GULP1: variants seen among roughly 807,000 people sequenced by gnomAD.
GULP1 encodes the protein GULP PTB domain containing engulfment adaptor 1, also known as PTB domain-containing engulfment adapter protein 1.
A neutral mutation model predicts 40.9 loss-of-function variants in GULP1; 19 were observed. That is an observed-to-expected ratio of 0.46 (90% CI 0.32 to 0.68). The LOEUF is 0.68. Ranked by LOEUF, GULP1 falls within the 30% of genes least tolerant of loss-of-function variation. The pLI is 0.03. For synonymous variants in GULP1, 119 were observed against 117.6 expected (o/e 1.01, Z -0.08); for missense variants, 312 against 362.2 (o/e 0.86, Z 1.12).
At chr2:188,331,472 GA>G (rs1325074371) in intron 1 of GULP1, among the ~76,000 whole-genome samples, 1 of 152,144 alleles carries the variant, frequency 6.6e-6, no homozygotes, top group Non-Finnish European at 1.5e-5. Flanking sequence ...CTATACATAA[GA>G]ATCACTTAGA....
At chr2:188,409,051 G>A (rs1056252717) in intron 2 of GULP1, among the ~76,000 whole-genome samples, 3 of 151,944 alleles carry the variant, frequency 2.0e-5, no homozygotes, top group Admixed American at 6.6e-5. Flanking sequence ...AGAAAAAGAA[G>A]CAACCTAAAA....
chr2:188,386,545 T>C (rs1447558591), intron 2 of GULP1, among the ~76,000 whole-genome samples: 1 of 152,128 alleles, frequency 6.6e-6, no homozygotes, highest in Non-Finnish European at 1.5e-5. Context: ...TCTGTTAATA[T>C]ATAATATGTT....
intron 1 of GULP1, among the ~76,000 whole-genome samples, chr2:188,315,769 AGG>A (rs1392190942): frequency 2.0e-5 from 3 of 152,096 alleles, no homozygotes; most frequent in Non-Finnish European, 2.9e-5. Flanking sequence ...GGCACAGTAA[AGG>A]ATTAACAATA....
intron 2 of GULP1, among the ~76,000 whole-genome samples, chr2:188,449,110 C>G (rs557080852): frequency 2.8e-4 from 42 of 152,160 alleles, no homozygotes; most frequent in Non-Finnish European, 4.7e-4. Context: ...ATGTTCAGAT[C>G]TTGGCACAGA....
At chr2:188,419,349 C>A (rs183606029) in intron 2 of GULP1, among the ~76,000 whole-genome samples, 84 of 152,210 alleles carry the variant, frequency 5.5e-4, no homozygotes, top group Middle Eastern at 3.4e-3. Flanking sequence ...TTTCTCCATA[C>A]CCTGGTCAAT....
chr2:188,547,255 A>G (rs76146603), intron 7 of GULP1, among the ~76,000 whole-genome samples: 23 of 151,968 alleles, frequency 1.5e-4, no homozygotes, highest in African/African-American at 5.1e-4. Flanking sequence ...AAAAAAAAAA[A>G]CACTAGAGAT....
Position 188,344,720 on chromosome 2 carries a change from G to A in GULP1, c.-171-39043G>A, listed in dbSNP as rs541278680. Among the ~76,000 whole-genome samples, 8 of 152,224 alleles carry A rather than the reference G, an allele frequency of 5.3e-5. No individual in the cohort carries two copies. The East Asian group carries it at 1.4e-3, about 26-fold the overall frequency. On this transcript the variant is annotated intron_variant, in intron 1 of 11. Coordinates refer to ENST00000409830, the MANE Select transcript of GULP1 (RefSeq NM_016315.4). ...ATTCTTGGGTGGTCTTTTCCTTGGT[G>A]ACCATTCTCATCTCACTTGAGCACA... is the stretch of plus-strand genomic sequence containing the variant.
At chr2:188,438,376 A>G (rs780415922) in intron 2 of GULP1, among the ~76,000 whole-genome samples, 3 of 151,160 alleles carry the variant, frequency 2.0e-5, no homozygotes, top group Admixed American at 6.6e-5. Context: ...TATCACATGT[A>G]TAGCATATAT....
intron 2 of GULP1, among the ~76,000 whole-genome samples, chr2:188,390,299 T>C (rs1293304345): frequency 9.2e-5 from 14 of 152,184 alleles, no homozygotes; most frequent in Non-Finnish European, 1.2e-4. Flanking sequence ...CTTTTGACTT[T>C]TTAATAATAG....
intron 2 of GULP1, among the ~76,000 whole-genome samples, chr2:188,402,647 C>G (rs185147232): frequency 3.9e-5 from 6 of 151,948 alleles, no homozygotes; most frequent in Non-Finnish European, 5.9e-5. Context: ...ATGACTTTCT[C>G]TATACAAAAT....
intron 1 of GULP1, among the ~76,000 whole-genome samples, chr2:188,333,735 A>G (rs572306955): frequency 3.9e-5 from 6 of 152,292 alleles, no homozygotes; most frequent in South Asian, 2.1e-4. Context: ...TTTAATGACA[A>G]TACTACCACT....
rs962256564 is a variant in GULP1, at chr2:188,594,994, T to C, written c.*983T>C. Reference sequence around the variant, plus strand: ...TAAAATCTGTGGCACCCGTTCTACATGAATTATCAATATTTGGTAAATTCA... The same window carrying C: ...TAAAATCTGTGGCACCCGTTCTACACGAATTATCAATATTTGGTAAATTCA... On this transcript the variant is annotated 3_prime_UTR_variant, in exon 12 of 12. Coordinates refer to ENST00000409830, the MANE Select transcript of GULP1 (RefSeq NM_016315.4). 8 of 151,012 alleles carry C rather than the reference T, an allele frequency of 5.3e-5. No individual in the cohort carries two copies. The East Asian group carries it at 1.2e-3, about 22-fold the overall frequency. 9.4% of individuals were successfully genotyped at this position (151,012 alleles called of 1,614,324 possible).
chr2:188,358,038 G>A (rs369471087), intron 1 of GULP1, among the ~76,000 whole-genome samples: 5 of 152,122 alleles, frequency 3.3e-5, no homozygotes, highest in African/African-American at 1.2e-4. Context: ...AAAATTAGTG[G>A]GGTGTGGTGG....
intron 2 of GULP1, among the ~76,000 whole-genome samples, chr2:188,406,828 A>T (rs1326130012): frequency 6.6e-6 from 1 of 152,154 alleles, no homozygotes; most frequent in East Asian, 1.9e-4. Context: ...AAAGAAACTT[A>T]TTTAAAGGAG....
At chr2:188,588,912 TC>T (rs984508616) in intron 11 of GULP1, 4 of 152,106 alleles carry the variant, frequency 2.6e-5, no homozygotes, top group Non-Finnish European at 4.4e-5. Context: ...TATCTTATTT[TC>T]TAGGTAGTAC....
At chr2:188,466,675 T>C (rs2152988151) in intron 2 of GULP1, 1 of 152,224 alleles carries the variant, frequency 6.6e-6, no homozygotes, top group African/African-American at 2.4e-5. Context: ...TTACATATAC[T>C]TCTTAACTAA....
At chr2:188,542,720 A>C (rs1690862121) in intron 7 of GULP1, among the ~76,000 whole-genome samples, 1 of 152,152 alleles carries the variant, frequency 6.6e-6, no homozygotes, top group Admixed American at 6.5e-5. Context: ...TTTTATATGA[A>C]CTTCTGATGA....
chr2:188,556,123 G>C (rs1243781881), intron 7 of GULP1, among the ~76,000 whole-genome samples: 2 of 151,940 alleles, frequency 1.3e-5, no homozygotes, highest in African/African-American at 2.4e-5. Context: ...CATGAAATGG[G>C]TTTTCTAATC....
chr2:188,378,998 TACAC>T (rs887920930), intron 1 of GULP1, among the ~76,000 whole-genome samples: 4 of 152,300 alleles, frequency 2.6e-5, no homozygotes, highest in African/African-American at 9.6e-5. Context: ...GTTTTGTTCA[TACAC>T]ACACTCACAC....
Sources: allele counts gnomAD v4.1 joint callset (sites outside exome capture counted in the v4.1 genomes callset), GRCh38; gene constraint gnomAD v4.1.1; transcripts MANE v1.5; gene names NCBI Gene and HGNC (gene_info 2026-07-23, HGNC 2026-07-21).